Variants in SWAP70 observed in about 807,000 individuals in gnomAD.
The protein encoded by SWAP70 is switching B cell complex subunit SWAP70.
SWAP70 carries 34 observed loss-of-function variants against 80.2 expected under a neutral mutation model. That is an observed-to-expected ratio of 0.42 (90% CI 0.32 to 0.56). The LOEUF is 0.56. Among genes scored for constraint, SWAP70 ranks in the 20% least tolerant of loss-of-function variants. The pLI is 0.09. For synonymous variants in SWAP70, 239 were observed against 238.5 expected (o/e 1.00, Z -0.02); for missense variants, 578 against 690.7 (o/e 0.84, Z 1.83).
chr11:9,682,511 A>T (rs1850579985), intron 1 of SWAP70, among the ~76,000 whole-genome samples: 2 of 152,218 alleles, frequency 1.3e-5, no homozygotes, highest in Admixed American at 1.3e-4. Context: ...TGGAGAGGTT[A>T]AGACCAGAAA....
intron 1 of SWAP70, among the ~76,000 whole-genome samples, chr11:9,687,067 C>T (rs796991005): frequency 6.6e-6 from 1 of 152,114 alleles, no homozygotes; most frequent in Admixed American, 6.5e-5. Flanking sequence ...GCATCTTTTC[C>T]TATATTTTAT....
intron 1 of SWAP70, among the ~76,000 whole-genome samples, chr11:9,690,007 A>G (rs1850676501): frequency 6.6e-6 from 1 of 152,198 alleles, no homozygotes; most frequent in East Asian, 1.9e-4. Flanking sequence ...CATGGAAAGG[A>G]CACCAGAGTG....
intron 7 of SWAP70, among the ~76,000 whole-genome samples, chr11:9,737,644 TC>T (rs2133814069): frequency 6.6e-6 from 1 of 152,316 alleles, no homozygotes; most frequent in East Asian, 1.9e-4. Flanking sequence ...ACACCTGTAA[TC>T]CCAGCACTTC....
chr11:9,748,279 CATT>C lies in SWAP70; in HGVS notation c.1554+228_1554+230del, dbSNP rs369951781. Reference sequence around the variant, plus strand: ...TGAACAGGGAAAGTTTAATATAAAACATTATTAACTGTCATAGGAGATTACCTA... The same window carrying C: ...TGAACAGGGAAAGTTTAATATAAAACATTAACTGTCATAGGAGATTACCTA... On this transcript the variant is annotated intron_variant, in intron 10 of 11. Transcript: ENST00000318950. 5.7e-3 allele frequency among the ~76,000 whole-genome samples: 860 copies of C among 152,212 alleles called. 9 individuals carry two copies. Among genetic ancestry groups the C allele is most frequent in the African/African-American group, 0.02 (818 of 41,534 alleles).
chr11:9,696,842 A>C (rs1850764406), intron 2 of SWAP70, among the ~76,000 whole-genome samples: 1 of 152,128 alleles, frequency 6.6e-6, no homozygotes, highest in South Asian at 2.1e-4. Flanking sequence ...TTTTTTGCTT[A>C]GACCGTTCTC....
intron 1 of SWAP70, among the ~76,000 whole-genome samples, chr11:9,678,926 C>T (rs1850534557): frequency 6.6e-6 from 1 of 152,118 alleles, no homozygotes; most frequent in South Asian, 2.1e-4. Context: ...CCTTTTTCTT[C>T]CCCAAGACTG....
At chr11:9,671,182 AAAAATATAT>A (rs1174217288) in intron 1 of SWAP70, among the ~76,000 whole-genome samples, 2 of 110,100 alleles carry the variant, frequency 1.8e-5, no homozygotes, top group South Asian at 2.7e-4. Flanking sequence ...ATATAAATAT[AAAAATATAT>A]AAAATATATT....
chr11:9,741,859 T>A (rs1279031116), intron 9 of SWAP70: 1 of 146,592 alleles, frequency 6.8e-6, no homozygotes, highest in African/African-American at 2.5e-5. Context: ...CCCACCACAC[T>A]TTGGGAGGCC....
In SWAP70 at chr11:9,724,903, G is replaced by GT. The variant is rs59264750; in HGVS notation, c.642+27dup. ...TAAAGCAGGTAAGAATTCTGTTACTGTTTTTTTTTCTCATCTTTAGAATTT... is the reference window on the plus strand; with the variant it reads ...TAAAGCAGGTAAGAATTCTGTTACTGTTTTTTTTTTCTCATCTTTAGAATTT... On this transcript the variant is annotated intron_variant, in intron 4 of 11. Coordinates refer to ENST00000318950, the MANE Select transcript of SWAP70 (RefSeq NM_015055.4). 5,670 of 1,399,216 alleles carry GT rather than the reference G, an allele frequency of 4.1e-3. No homozygotes were observed. Among genetic ancestry groups the GT allele is most frequent in the Non-Finnish European group, 4.7e-3 (4,731 of 1,014,612 alleles). The allele number at this position is 1,399,216 out of a possible 1,614,324, so 86.7% of individuals were successfully genotyped here. A position where few individuals can be genotyped will look rare whatever the true frequency, so the allele number is the denominator to read the frequency against.
chr11:9,747,758 C>T (rs568308821), intron 9 of SWAP70, 100 bp from the exon 10 acceptor site: 39 of 1,127,240 alleles, frequency 3.5e-5, no homozygotes, highest in African/African-American at 6.1e-5. Context: ...GGGGATTAGA[C>T]GACCTCAAAT....
At chr11:9,743,875 A>G (rs1851475430) in intron 9 of SWAP70, among the ~76,000 whole-genome samples, 1 of 152,134 alleles carries the variant, frequency 6.6e-6, no homozygotes. Flanking sequence ...TCTTAAAAAG[A>G]CAGTGTCTTA....
chr11:9,736,680 G>A (rs1851367641), intron 7 of SWAP70, among the ~76,000 whole-genome samples: 1 of 152,130 alleles, frequency 6.6e-6, no homozygotes, highest in Non-Finnish European at 1.5e-5. Flanking sequence ...CTCTTTGAGT[G>A]TCTTTCTCTG....
At chr11:9,738,156 T>C in intron 7 of SWAP70, 57 bp from the exon 8 acceptor site, 1 of 1,256,894 alleles carries the variant, frequency 8.0e-7, no homozygotes, top group Non-Finnish European at 1.1e-6. Flanking sequence ...CTCTCTCTCT[T>C]TAATGTACTT....
chr11:9,679,212 G>A (rs529591752), intron 1 of SWAP70, among the ~76,000 whole-genome samples: 1 of 152,224 alleles, frequency 6.6e-6, no homozygotes, highest in African/African-American at 2.4e-5. Flanking sequence ...GCTTCTTTAG[G>A]AATAATTAGC....
In SWAP70 at chr11:9,701,233, G is replaced by C. The variant is rs930787301; in HGVS notation, c.240+6947G>C. 3.3e-5 allele frequency among the ~76,000 whole-genome samples: 5 copies of C among 151,356 alleles called. No individual in the cohort carries two copies. In the East Asian group the frequency reaches 9.8e-4, roughly 30 times the overall value. Reference sequence around the variant, plus strand: ...GTTCCCCAGGCTGGAGTGTGATGGTGGAATCTTGGCTCACTGCAACCTCCG... The same window carrying C: ...GTTCCCCAGGCTGGAGTGTGATGGTCGAATCTTGGCTCACTGCAACCTCCG... On this transcript the variant is annotated intron_variant, in intron 2 of 11. Coordinates refer to ENST00000318950, the MANE Select transcript of SWAP70 (RefSeq NM_015055.4).
chr11:9,687,139 G>A (rs189124672), intron 1 of SWAP70, among the ~76,000 whole-genome samples: 10 of 152,252 alleles, frequency 6.6e-5, no homozygotes, highest in Non-Finnish European at 1.3e-4. Context: ...TGCAAGCTAC[G>A]CAATTCCGTG....
At chr11:9,738,164 C>T in intron 7 of SWAP70, 49 bp from the exon 8 acceptor site, 2 of 1,368,328 alleles carry the variant, frequency 1.5e-6, no homozygotes, top group Non-Finnish European at 2.0e-6. Flanking sequence ...CTTTAATGTA[C>T]TTCTACTCTA....
chr11:9,713,500 G>A lies in SWAP70; in HGVS notation c.275G>A (p.Arg92Lys). 6.2e-7 allele frequency: 1 copy of A among 1,613,204 alleles called. No individual in the cohort carries two copies. Among genetic ancestry groups the A allele is most frequent in the South Asian group, 1.1e-5 (1 of 90,950 alleles). Residue 92 changes from arginine to lysine, a missense_variant, in exon 3 of 12, where the codon AGG becomes AAG. Transcript: ENST00000318950. ...AACTTTGACAAGATTGAATTCAATA[G>A]GATGTGTTGGACCCTCTGTGTCAAA... ...QDNFDKIEFNRMCWTLCVKKN... is the reference protein window; with the variant it reads ...QDNFDKIEFNKMCWTLCVKKN...
chr11:9,731,130 G>A (rs1354365623), intron 6 of SWAP70, among the ~76,000 whole-genome samples: 4 of 152,078 alleles, frequency 2.6e-5, no homozygotes, highest in African/African-American at 4.8e-5. Flanking sequence ...TTATGGCTCC[G>A]TAGTGAATGA....
Sources: gnomAD v4.1 joint callset for allele counts (sites outside exome capture counted in the v4.1 genomes callset) on GRCh38, gnomAD v4.1.1 for gene constraint, MANE v1.5 for transcripts, NCBI Gene and HGNC (gene_info 2026-07-23, HGNC 2026-07-21) for gene names.